SLC35F3: variants seen among roughly 807,000 people sequenced by gnomAD.
SLC35F3 encodes putative thiamine transporter SLC35F3.
SLC35F3 carries 25 observed loss-of-function variants against 49.9 expected under a neutral mutation model. That is an observed-to-expected ratio of 0.50 (90% CI 0.37 to 0.70). SLC35F3 has a LOEUF of 0.70. SLC35F3 is among the 30% of genes least tolerant of loss of function. The pLI, the probability that SLC35F3 is intolerant of heterozygous loss-of-function variation, is 0.00. For synonymous variants in SLC35F3, 275 were observed against 265.4 expected (o/e 1.04, Z -0.35); for missense variants, 525 against 639.8 (o/e 0.82, Z 1.94).
At chr1:233,932,988 C>T (rs1662268482) in intron 2 of SLC35F3, among the ~76,000 whole-genome samples, 1 of 143,154 alleles carries the variant, frequency 7.0e-6, no homozygotes, top group Non-Finnish European at 1.5e-5. Context: ...AACATAATTT[C>T]TGAAGAGCAT....
At chr1:234,035,286 G>A (rs1159869290) in intron 2 of SLC35F3, among the ~76,000 whole-genome samples, 1 of 152,150 alleles carries the variant, frequency 6.6e-6, no homozygotes, top group Non-Finnish European at 1.5e-5. Context: ...TGAAAATAAT[G>A]ATCCTAGAGA....
intron 2 of SLC35F3, among the ~76,000 whole-genome samples, chr1:234,079,593 A>C (rs569341671): frequency 6.6e-6 from 1 of 152,220 alleles, no homozygotes; most frequent in African/African-American, 2.4e-5. Flanking sequence ...TGGGCAAAGG[A>C]TTTAAGTAAG....
At chr1:234,028,773 C>T (rs4920167) in intron 2 of SLC35F3, among the ~76,000 whole-genome samples, 52,123 of 151,694 alleles carry the variant, frequency 0.34, 10,355 homozygotes, top group Non-Finnish European at 0.45. Context: ...TATAACAGTG[C>T]CTGCAGGTTC....
At chr1:234,298,770 G>C (rs910664002) in intron 3 of SLC35F3, among the ~76,000 whole-genome samples, 3 of 152,180 alleles carry the variant, frequency 2.0e-5, no homozygotes, top group African/African-American at 7.2e-5. Flanking sequence ...TTAAATAAAG[G>C]TAGGCAATTC....
chr1:233,923,010 C>T (rs1253497299), intron 2 of SLC35F3, among the ~76,000 whole-genome samples: 10 of 152,054 alleles, frequency 6.6e-5, no homozygotes, highest in Admixed American at 2.6e-4. Context: ...GGTCTATATC[C>T]GCGTTTTGGT....
At chr1:233,951,244 G>A (rs902985649) in intron 2 of SLC35F3, among the ~76,000 whole-genome samples, 5 of 151,956 alleles carry the variant, frequency 3.3e-5, no homozygotes, top group African/African-American at 4.8e-5. Flanking sequence ...AAGCTGAAAC[G>A]TTTCTATCAC....
chr1:233,965,985 G>A (rs1034830975), intron 2 of SLC35F3, among the ~76,000 whole-genome samples: 4 of 152,220 alleles, frequency 2.6e-5, no homozygotes, highest in Non-Finnish European at 5.9e-5. Context: ...TCTGTGAGGT[G>A]AAATCTCCAT....
chr1:234,042,787 G>A (rs1281443126), intron 2 of SLC35F3, among the ~76,000 whole-genome samples: 1 of 151,910 alleles, frequency 6.6e-6, no homozygotes, highest in African/African-American at 2.4e-5. Context: ...CATTCCTTGT[G>A]TTGAAGATCC....
At chr1:234,237,330 C>T (rs1667490387) in intron 3 of SLC35F3, among the ~76,000 whole-genome samples, 1 of 152,138 alleles carries the variant, frequency 6.6e-6, no homozygotes, top group Non-Finnish European at 1.5e-5. Flanking sequence ...TATTATAAAA[C>T]TTGTTGAACT....
chr1:234,209,543 A>T (rs529472393), intron 2 of SLC35F3, among the ~76,000 whole-genome samples: 3 of 152,180 alleles, frequency 2.0e-5, no homozygotes, highest in Non-Finnish European at 4.4e-5. Flanking sequence ...ATCCATATTC[A>T]TATGGTCAAT....
At chr1:233,975,653 C>A (rs558552454) in intron 2 of SLC35F3, among the ~76,000 whole-genome samples, 6 of 152,164 alleles carry the variant, frequency 3.9e-5, no homozygotes, top group African/African-American at 1.4e-4. Flanking sequence ...TGGGCAGGAG[C>A]GTGGTTGAAC....
chr1:234,302,773 CTG>C (rs1289858933), intron 3 of SLC35F3, among the ~76,000 whole-genome samples: 2 of 152,124 alleles, frequency 1.3e-5, no homozygotes, highest in African/African-American at 4.8e-5. Flanking sequence ...CTCTCTCTCT[CTG>C]TGGTTTTCAA....
At chr1:234,142,856 T>C (rs921160862) in intron 2 of SLC35F3, among the ~76,000 whole-genome samples, 1 of 152,216 alleles carries the variant, frequency 6.6e-6, no homozygotes, top group East Asian at 1.9e-4. Flanking sequence ...ATTAAAAGAT[T>C]GAGTTATATA....
chr1:234,136,626 A>G (rs1665816984), intron 2 of SLC35F3, among the ~76,000 whole-genome samples: 1 of 152,284 alleles, frequency 6.6e-6, no homozygotes, highest in African/African-American at 2.4e-5. Flanking sequence ...AGTTTTTCTC[A>G]GCACATAGGC....
chr1:234,235,367 C>T (rs1667448401), intron 3 of SLC35F3, among the ~76,000 whole-genome samples: 1 of 152,206 alleles, frequency 6.6e-6, no homozygotes. Flanking sequence ...TCATGAGACG[C>T]TTGAGGGTGC....
chr1:234,125,122 T>C (rs1665628021), intron 2 of SLC35F3, among the ~76,000 whole-genome samples: 1 of 152,032 alleles, frequency 6.6e-6, no homozygotes, highest in Non-Finnish European at 1.5e-5. Flanking sequence ...CACCATCCTA[T>C]CCCGCCTCAT....
chr1:234,116,657 A>G (rs1302202132), intron 2 of SLC35F3, among the ~76,000 whole-genome samples: 1 of 152,028 alleles, frequency 6.6e-6, no homozygotes, highest in Non-Finnish European at 1.5e-5. Context: ...GATTACAGAC[A>G]CATGCCACCA....
chr1:234,152,690 G>A (rs962681181), intron 2 of SLC35F3, among the ~76,000 whole-genome samples: 7 of 152,098 alleles, frequency 4.6e-5, no homozygotes, highest in Non-Finnish European at 1.0e-4. Flanking sequence ...ATAAATATAC[G>A]TGTGCATGTG....
intron 2 of SLC35F3, among the ~76,000 whole-genome samples, chr1:233,932,354 T>C (rs1190221267): frequency 6.6e-6 from 1 of 152,068 alleles, no homozygotes; most frequent in Non-Finnish European, 1.5e-5. Context: ...AACAAATCTG[T>C]GTATAAGTGG....
Sources: gnomAD v4.1 joint callset for allele counts (sites outside exome capture counted in the v4.1 genomes callset) on GRCh38, gnomAD v4.1.1 for gene constraint, MANE v1.5 for transcripts, NCBI Gene and HGNC (gene_info 2026-07-23, HGNC 2026-07-21) for gene names.